The following ZNF510 variants were observed in gnomAD, a reference collection of about 807,000 sequenced individuals.
ZNF510 encodes the protein zinc finger protein 510.
ZNF510 carries 15 observed loss-of-function variants against 18.1 expected under a neutral mutation model. The ratio of observed to expected loss-of-function variants is 0.83; its 90% CI spans 0.55 to 1.28. The LOEUF (loss-of-function observed/expected upper bound fraction) is 1.28. Among genes scored for constraint, ZNF510 ranks in the 50% most tolerant of loss-of-function variants. The probability of loss-of-function intolerance (pLI) is 0.00; values close to 1 mark genes in which losing one functional copy is unlikely to be tolerated. For synonymous variants in ZNF510, 261 were observed against 266.4 expected (o/e 0.98, Z 0.20); for missense variants, 724 against 791.8 (o/e 0.91, Z 1.03).
At chr9:96,767,115 G>T (rs1282002119) in intron 3 of ZNF510, among the ~76,000 whole-genome samples, 2 of 152,066 alleles carry the variant, frequency 1.3e-5, no homozygotes, top group Non-Finnish European at 2.9e-5. Flanking sequence ...ATCACTTGAG[G>T]TCAGGAGTTC....
At position 96,760,203 on chromosome 9, in the gene ZNF510, AT is replaced by A; in HGVS notation, c.626del (p.Asn209IlefsTer24). Reference sequence around the variant, plus strand: ...TCTCAAAGTTAATTTTGAAAGGTGAATTCTCACATACATTACCGCAACCTAT... The same window carrying A: ...TCTCAAAGTTAATTTTGAAAGGTGAATCTCACATACATTACCGCAACCTAT... ...KKIGCGNVCE[N>X]SPFKINFEKT... On this transcript the variant is annotated frameshift_variant, in exon 6 of 6. Coordinates refer to ENST00000223428, the MANE Select transcript of ZNF510 (RefSeq NM_014930.3). LOFTEE classifies it low-confidence loss of function (END_TRUNC). The A allele has an allele frequency of 6.2e-7, 1 of 1,613,264 alleles. No individual in the cohort carries two copies. Among genetic ancestry groups the A allele is most frequent in the South Asian group, 1.1e-5 (1 of 90,794 alleles).
chr9:96,770,532 G>T (rs1849563723), intron 3 of ZNF510, among the ~76,000 whole-genome samples: 1 of 151,962 alleles, frequency 6.6e-6, no homozygotes, highest in Non-Finnish European at 1.5e-5. Flanking sequence ...AACCTGAGGG[G>T]GCGGATGTTG....
intron 4 of ZNF510, 85 bp downstream of exon 4, chr9:96,763,421 A>C: frequency 1.4e-6 from 2 of 1,478,084 alleles, no homozygotes; most frequent in Non-Finnish European, 9.1e-7. Context: ...TTAAACTTTA[A>C]GTAAATTGTT....
chr9:96,763,395 G>T, intron 4 of ZNF510, 111 bp downstream of exon 4: 1 of 1,407,774 alleles, frequency 7.1e-7, no homozygotes, highest in Non-Finnish European at 9.6e-7. Flanking sequence ...AATCCTGAAT[G>T]AAAAGCCTAA....
chr9:96,760,704 T>G (rs1849326312), intron 5 of ZNF510, among the ~76,000 whole-genome samples: 1 of 152,078 alleles, frequency 6.6e-6, no homozygotes, highest in Non-Finnish European at 1.5e-5. Flanking sequence ...ATTTTGCATG[T>G]GATTAGTAAG....
Position 96,756,873 on chromosome 9 carries a change from T to C in ZNF510, c.*1905A>G, listed in dbSNP as rs1849207270. The C allele has an allele frequency of 1.3e-5, 2 of 152,190 alleles. No homozygotes were observed. The highest frequency in any genetic ancestry group is 1.3e-4 in the Admixed American group (2 of 15,276). The allele number at this position is 152,190 out of a possible 1,614,324, so 9.4% of individuals were successfully genotyped here. The stretch of plus-strand genomic sequence containing the variant: ...GATCAGAGCTGTTGGACCTCAGAGG[T>C]ATCTTTACATACAATTATTCCTGAT... On this transcript the variant is annotated 3_prime_UTR_variant, in exon 6 of 6. Coordinates refer to ENST00000223428, the MANE Select transcript of ZNF510 (RefSeq NM_014930.3).
At chr9:96,772,547 C>G (rs1388584518) in intron 3 of ZNF510, among the ~76,000 whole-genome samples, 1 of 151,600 alleles carries the variant, frequency 6.6e-6, no homozygotes, top group Admixed American at 6.6e-5. Flanking sequence ...AGCAAATAAC[C>G]CAATTAAAAC....
chr9:96,772,850 A>T (rs1405161673), intron 3 of ZNF510, among the ~76,000 whole-genome samples: 2 of 152,206 alleles, frequency 1.3e-5, no homozygotes, highest in Admixed American at 6.5e-5. Flanking sequence ...TATTCTATGA[A>T]CCAGCAATTC....
At chr9:96,767,369 C>G (rs1238306673) in intron 3 of ZNF510, among the ~76,000 whole-genome samples, 2 of 151,686 alleles carry the variant, frequency 1.3e-5, no homozygotes, top group Admixed American at 6.6e-5. Context: ...CCCCTGAGAC[C>G]CAGAAATTAG....
In ZNF510 at chr9:96,763,651, A is replaced by G; in HGVS notation, c.130-19T>C. 1 of 1,579,900 alleles carries G rather than the reference A, an allele frequency of 6.3e-7. No individual in the cohort carries two copies. The highest frequency in any genetic ancestry group is 1.4e-5 in the African/African-American group (1 of 73,654). On this transcript the variant is annotated intron_variant, in intron 3 of 5. Transcript: ENST00000223428. ...CTGATGCCTGTAACAGTACATTTCT[A>G]TTCAATCTGAAGGGTTCAGAATTAG... is the stretch of plus-strand genomic sequence containing the variant.
In ZNF510 at chr9:96,760,401, G is replaced by T; in HGVS notation, c.429C>A (p.Ile143=). The change falls in exon 6 of 6, where the codon ATC becomes ATA. Residue 143 remains isoleucine (I), a synonymous_variant. Coordinates refer to ENST00000223428, the MANE Select transcript of ZNF510 (RefSeq NM_014930.3). ...CCTCTGTAGTCAATGTTTTATTATT[G>T]ATACATATTGCTTGCTCCAAGTGTT... The part of the protein sequence containing the change: ...KDKHLEQAIC[I]NNKTLTTEEE... 2 of 1,613,430 alleles carry T rather than the reference G, an allele frequency of 1.2e-6. No homozygotes were observed. The highest frequency in any genetic ancestry group is 2.2e-5 in the South Asian group (2 of 91,036).
In ZNF510 at chr9:96,755,605, C is replaced by G. The variant is rs1321325194; in HGVS notation, c.*3173G>C. Among the ~76,000 whole-genome samples, 2 of 152,146 alleles carry G rather than the reference C, an allele frequency of 1.3e-5. No individual in the cohort carries two copies. The highest frequency in any genetic ancestry group is 6.5e-5 in the Admixed American group (1 of 15,282). On this transcript the variant is annotated 3_prime_UTR_variant, in exon 6 of 6. Coordinates refer to ENST00000223428, the MANE Select transcript of ZNF510 (RefSeq NM_014930.3). ...TTCCAAACTTGATTCAATTATCCTTCTGTGAAAAATTCAGTAGCAGGCCAG... is the reference window on the plus strand; with the variant it reads ...TTCCAAACTTGATTCAATTATCCTTGTGTGAAAAATTCAGTAGCAGGCCAG...
At position 96,755,596 on chromosome 9, in the gene ZNF510, A is replaced by G. The variant is rs1047066567; in HGVS notation, c.*3182T>C. Among the ~76,000 whole-genome samples, 3 of 152,146 alleles carry G rather than the reference A, an allele frequency of 2.0e-5. No individual in the cohort carries two copies. The highest frequency in any genetic ancestry group is 4.8e-5 in the African/African-American group (2 of 41,436). The stretch of plus-strand genomic sequence containing the variant: ...GTATTCTTTTTCCAAACTTGATTCA[A>G]TTATCCTTCTGTGAAAAATTCAGTA... On this transcript the variant is annotated 3_prime_UTR_variant, in exon 6 of 6. Transcript: ENST00000223428.
At chr9:96,760,551 T>A (rs773196867) in intron 5 of ZNF510, 74 bp from the exon 6 acceptor site, 1 of 1,288,074 alleles carries the variant, frequency 7.8e-7, no homozygotes, top group African/African-American at 1.5e-5. Flanking sequence ...ACATACAGCC[T>A]ATGTTGCACC....
intron 3 of ZNF510, among the ~76,000 whole-genome samples, chr9:96,770,094 A>C (rs1280376279): frequency 6.6e-6 from 1 of 152,236 alleles, no homozygotes. Context: ...ACAGGTGTCC[A>C]AACAAAAACT....
At chr9:96,772,908 A>G (rs951804755) in intron 3 of ZNF510, among the ~76,000 whole-genome samples, 4 of 152,192 alleles carry the variant, frequency 2.6e-5, no homozygotes, top group Non-Finnish European at 5.9e-5. Context: ...CCAAAGACAC[A>G]AAAGAATATT....
At position 96,760,261 on chromosome 9, in the gene ZNF510, A is replaced by G. The variant is rs956259590; in HGVS notation, c.569T>C (p.Ile190Thr). Residue 190 changes from isoleucine (I) to threonine (T), a missense_variant, in exon 6 of 6, where the codon ATC becomes ACC. Transcript: ENST00000223428. ...TGTTGAATAGTTTCTATTATTAATG[A>G]TAAATTCAGAAATACTTTGCAAATT... ...EVNLQSISEF[I>T]INNRNYSTKK... is the part of the protein sequence containing the mutation. The G allele has an allele frequency of 1.2e-6, 2 of 1,612,692 alleles. No individual in the cohort carries two copies. Among genetic ancestry groups the G allele is most frequent in the Admixed American group, 1.7e-5 (1 of 59,804 alleles).
chr9:96,761,033 CAG>C, intron 5 of ZNF510, among the ~76,000 whole-genome samples: 1 of 152,262 alleles, frequency 6.6e-6, no homozygotes. Flanking sequence ...AAATTTATAA[CAG>C]CACCAACTCC....
At chr9:96,772,500 T>C (rs1849603264) in intron 3 of ZNF510, among the ~76,000 whole-genome samples, 1 of 151,992 alleles carries the variant, frequency 6.6e-6, no homozygotes, top group South Asian at 2.1e-4. Context: ...GCAAAAAACA[T>C]TTACTGAAAA....
Sources: allele counts gnomAD v4.1 joint callset (sites outside exome capture counted in the v4.1 genomes callset), GRCh38; gene constraint gnomAD v4.1.1; transcripts MANE v1.5; gene names NCBI Gene and HGNC (gene_info 2026-07-23, HGNC 2026-07-21).